Variants in CLSTN2 observed in about 807,000 individuals in gnomAD.
CLSTN2 encodes the protein calsyntenin 2.
In CLSTN2, 48 loss-of-function variants were observed where a neutral mutation model predicts 101.2. That is an observed-to-expected ratio of 0.47 (90% CI 0.38 to 0.60). The LOEUF (loss-of-function observed/expected upper bound fraction) is 0.60, where lower values mean the gene tolerates loss of function less well. CLSTN2 is among the 20% of genes least tolerant of loss of function. The probability of loss-of-function intolerance (pLI) is 0.00; values close to 1 mark genes in which losing one functional copy is unlikely to be tolerated. For synonymous variants in CLSTN2, 481 were observed against 463.6 expected (o/e 1.04, Z -0.48); for missense variants, 1,160 against 1,238.2 (o/e 0.94, Z 0.95).
At chr3:139,963,328 T>C (rs971937510) in intron 1 of CLSTN2, among the ~76,000 whole-genome samples, 2 of 152,186 alleles carry the variant, frequency 1.3e-5, no homozygotes, top group Non-Finnish European at 2.9e-5. Context: ...TGAATTCAGC[T>C]TTTTTCTCTC....
chr3:140,418,581 G>A lies in CLSTN2; in HGVS notation c.638-2544G>A, dbSNP rs1481966331. The stretch of plus-strand genomic sequence containing the variant: ...GGCCCAGGCTGGAATGCAGTGGCAC[G>A]ATCTCGGCTCACTGCAACCTCTGCC... On this transcript the variant is annotated intron_variant, in intron 4 of 16. Coordinates refer to ENST00000458420, the MANE Select transcript of CLSTN2 (RefSeq NM_022131.3). Among the ~76,000 whole-genome samples, 3 of 144,350 alleles carry A rather than the reference G, an allele frequency of 2.1e-5. No individual in the cohort carries two copies. The Admixed American group carries it at 2.1e-4, about 10-fold the overall frequency. The allele number at this position is 144,350 out of a possible 152,430, so 94.7% of individuals were successfully genotyped here.
At chr3:140,117,948 G>A (rs1406188921) in intron 1 of CLSTN2, among the ~76,000 whole-genome samples, 1 of 152,194 alleles carries the variant, frequency 6.6e-6, no homozygotes. Flanking sequence ...GCAATGGGCT[G>A]AATTTTGTCT....
At chr3:140,366,242 G>T (rs1454949431) in intron 2 of CLSTN2, among the ~76,000 whole-genome samples, 5 of 152,184 alleles carry the variant, frequency 3.3e-5, no homozygotes, top group African/African-American at 1.2e-4. Context: ...ATTCGTGCTG[G>T]AGAAACCTTG....
intron 2 of CLSTN2, among the ~76,000 whole-genome samples, chr3:140,193,801 G>A (rs1156966407): frequency 6.6e-6 from 1 of 151,900 alleles, no homozygotes; most frequent in African/African-American, 2.4e-5. Context: ...AGTTCCATAG[G>A]TTCCTGAGGC....
At chr3:140,214,935 T>C (rs1183411773) in intron 2 of CLSTN2, among the ~76,000 whole-genome samples, 1 of 152,240 alleles carries the variant, frequency 6.6e-6, no homozygotes, top group Non-Finnish European at 1.5e-5. Context: ...TTAATCATAA[T>C]GCATCAAATT....
At chr3:140,563,850 G>A in intron 15 of CLSTN2, 111 bp from the exon 16 acceptor site, 1 of 1,050,468 alleles carries the variant, frequency 9.5e-7, no homozygotes, top group South Asian at 1.4e-5. Flanking sequence ...CTACAGCTGG[G>A]AAGTGGTAGG....
At chr3:140,216,064 C>T (rs1054743498) in intron 2 of CLSTN2, among the ~76,000 whole-genome samples, 3 of 152,128 alleles carry the variant, frequency 2.0e-5, no homozygotes, top group Non-Finnish European at 4.4e-5. Context: ...CGCCTGAGCG[C>T]CACTTCCTGC....
intron 2 of CLSTN2, among the ~76,000 whole-genome samples, chr3:140,353,645 A>G (rs2087635392): frequency 6.6e-6 from 1 of 152,136 alleles, no homozygotes; most frequent in African/African-American, 2.4e-5. Flanking sequence ...CCATCACACC[A>G]ATGAGGTCCT....
intron 1 of CLSTN2, among the ~76,000 whole-genome samples, chr3:140,149,747 G>A (rs1401153716): frequency 3.3e-5 from 5 of 152,214 alleles, no homozygotes; most frequent in South Asian, 2.1e-4. Flanking sequence ...ATGAGCCACC[G>A]CGCCTGGCCA....
At chr3:140,026,942 C>T (rs762304686) in intron 1 of CLSTN2, among the ~76,000 whole-genome samples, 1 of 152,258 alleles carries the variant, frequency 6.6e-6, no homozygotes, top group South Asian at 2.1e-4. Context: ...TGGCATGCAG[C>T]CTCTGCAGAT....
At chr3:140,182,681 G>GA (rs1316090981) in intron 2 of CLSTN2, among the ~76,000 whole-genome samples, 2 of 152,184 alleles carry the variant, frequency 1.3e-5, no homozygotes, top group Admixed American at 1.3e-4. Flanking sequence ...CCTCCCTGCA[G>GA]AAAATCAGCT....
chr3:140,249,310 A>T (rs752355942), intron 2 of CLSTN2, among the ~76,000 whole-genome samples: 1 of 152,174 alleles, frequency 6.6e-6, no homozygotes, highest in Non-Finnish European at 1.5e-5. Flanking sequence ...GGCTGGAGTG[A>T]TTGCCTTGCA....
At chr3:139,991,881 A>G (rs923538968) in intron 1 of CLSTN2, among the ~76,000 whole-genome samples, 1 of 152,172 alleles carries the variant, frequency 6.6e-6, no homozygotes, top group Admixed American at 6.5e-5. Flanking sequence ...TTACCCTCCC[A>G]TACAGCCCCT....
intron 8 of CLSTN2, among the ~76,000 whole-genome samples, chr3:140,514,288 C>T (rs984844382): frequency 1.1e-4 from 16 of 152,030 alleles, no homozygotes; most frequent in Admixed American, 3.9e-4. Context: ...TCCCTCACAC[C>T]CCAAAGTCCA....
intron 5 of CLSTN2, among the ~76,000 whole-genome samples, chr3:140,430,707 G>T (rs1291812472): frequency 6.6e-6 from 1 of 152,162 alleles, no homozygotes; most frequent in Non-Finnish European, 1.5e-5. Context: ...TTGAAAGAAT[G>T]GGAGATCAAA....
intron 2 of CLSTN2, among the ~76,000 whole-genome samples, chr3:140,341,613 C>A (rs1370113163): frequency 6.6e-6 from 1 of 152,194 alleles, no homozygotes; most frequent in African/African-American, 2.4e-5. Context: ...GGAGGACAGT[C>A]GGCTTACACC....
intron 1 of CLSTN2, among the ~76,000 whole-genome samples, chr3:139,954,482 G>T (rs1358186455): frequency 6.6e-6 from 1 of 152,142 alleles, no homozygotes; most frequent in Non-Finnish European, 1.5e-5. Context: ...GACTCTGAAG[G>T]CTCCTTGAGG....
At chr3:140,020,835 G>A (rs1295007048) in intron 1 of CLSTN2, among the ~76,000 whole-genome samples, 2 of 152,188 alleles carry the variant, frequency 1.3e-5, no homozygotes, top group African/African-American at 4.8e-5. Flanking sequence ...CCTTGGTGCT[G>A]ATCAATCATT....
intron 4 of CLSTN2, among the ~76,000 whole-genome samples, chr3:140,420,508 CACAA>C (rs2088489727): frequency 6.6e-6 from 1 of 152,150 alleles, no homozygotes; most frequent in African/African-American, 2.4e-5. Context: ...AGCAAAAACA[CACAA>C]ACAACTCAGA....
Sources: allele counts gnomAD v4.1 joint callset (sites outside exome capture counted in the v4.1 genomes callset), GRCh38; gene constraint gnomAD v4.1.1; transcripts MANE v1.5; gene names NCBI Gene and HGNC (gene_info 2026-07-23, HGNC 2026-07-21).